PXDNL: variants seen among roughly 807,000 people sequenced by gnomAD.
The protein encoded by PXDNL is peroxidasin like.
A neutral mutation model predicts 150.8 loss-of-function variants in PXDNL; 145 were observed. That is an observed-to-expected ratio of 0.96 (90% CI 0.84 to 1.10). PXDNL has a LOEUF of 1.10. Among genes scored for constraint, PXDNL ranks in the 50% least tolerant of loss-of-function variants. The pLI is 0.00. For synonymous variants in PXDNL, 757 were observed against 725.7 expected (o/e 1.04, Z -0.69); for missense variants, 2,087 against 1,873.9 (o/e 1.11, Z -2.10).
chr8:51,388,615 A>G (rs1284668885), intron 17 of PXDNL, among the ~76,000 whole-genome samples: 6 of 152,116 alleles, frequency 3.9e-5, no homozygotes, highest in African/African-American at 1.4e-4. Flanking sequence ...TCTTTCTTCA[A>G]TTTTATAACT....
At chr8:51,372,650 G>A (rs1296786038) in intron 18 of PXDNL, among the ~76,000 whole-genome samples, 1 of 152,230 alleles carries the variant, frequency 6.6e-6, no homozygotes, top group Non-Finnish European at 1.5e-5. Context: ...CTCCCAAACT[G>A]TTGGGATTAC....
At chr8:51,743,943 A>AAGGAAG (rs1563306945) in intron 1 of PXDNL, among the ~76,000 whole-genome samples, 7 of 8,068 alleles carry the variant, frequency 8.7e-4, no homozygotes, top group East Asian at 6.7e-3. Flanking sequence ...AAGGAAGGAG[A>AAGGAAG]GAAAGAGAGA....
At position 51,586,194 on chromosome 8, in the gene PXDNL, A is replaced by C. The variant is rs1023969069; in HGVS notation, c.308+6433T>G. 5.4e-4 allele frequency among the ~76,000 whole-genome samples: 83 copies of C among 152,294 alleles called. 1 individual carries two copies. Among genetic ancestry groups the C allele is most frequent in the African/African-American group, 2.0e-3 (82 of 41,568 alleles). ...ATGACAGAAGCAAGGCGTGGAAAGC[A>C]CTCATCCCTGACTATGCTAGGGATA... On this transcript the variant is annotated intron_variant, in intron 3 of 22. Transcript: ENST00000356297.
Position 51,471,679 on chromosome 8 carries a change from A to ATTTT in PXDNL, c.812+504_812+507dup, listed in dbSNP as rs530501838. Reference sequence around the variant, plus strand: ...AATCACTGAGGTCTGGAAATGCATAATTTTTTTTTTTGGTTTTTTTTTTTT... The same window carrying ATTTT: ...AATCACTGAGGTCTGGAAATGCATAATTTTTTTTTTTTTTTGGTTTTTTTTTTTT... On this transcript the variant is annotated intron_variant, in intron 8 of 22. Transcript: ENST00000356297. Among the ~76,000 whole-genome samples, 452 of 146,392 alleles carry ATTTT rather than the reference A, an allele frequency of 3.1e-3. 3 individuals are homozygous for ATTTT. Among genetic ancestry groups the ATTTT allele is most frequent in the African/African-American group, 0.01 (412 of 40,108 alleles).
At chr8:51,792,647 T>G (rs779625945) in intron 1 of PXDNL, among the ~76,000 whole-genome samples, 1 of 152,112 alleles carries the variant, frequency 6.6e-6, no homozygotes, top group African/African-American at 2.4e-5. Flanking sequence ...CCCCTGCTGG[T>G]GCTGGGGAGA....
chr8:51,449,110 G>A lies in PXDNL; in HGVS notation c.1258C>T (p.Gln420Ter). The A allele has an allele frequency of 6.5e-7, 1 of 1,533,894 alleles. No individual in the cohort carries two copies. Among genetic ancestry groups the A allele is most frequent in the Non-Finnish European group, 8.8e-7 (1 of 1,132,352 alleles). The stretch of plus-strand genomic sequence containing the variant: ...TGATCCTTGGGGGTTACTGTAAATT[G>A]TGGAGGAGCTAAAGAGAATGAAACA... Reference protein sequence around the residue: ...AANIIVQAPPQFTVTPKDQVV... With the variant: ...AANIIVQAPP The change falls in exon 11 of 23, where the codon CAA becomes TAA. Residue 420 changes from glutamine (Q) to a stop codon, truncating the protein, a stop_gained. Coordinates refer to ENST00000356297, the MANE Select transcript of PXDNL (RefSeq NM_144651.5). LOFTEE classifies it high-confidence loss of function.
At chr8:51,584,642 A>G (rs565626552) in intron 3 of PXDNL, among the ~76,000 whole-genome samples, 1 of 152,336 alleles carries the variant, frequency 6.6e-6, no homozygotes, top group African/African-American at 2.4e-5. Context: ...CCAAGAGAGT[A>G]TGTGAAGGTG....
chr8:51,666,409 C>T lies in PXDNL; in HGVS notation c.165-11649G>A, dbSNP rs1391828370. The stretch of plus-strand genomic sequence containing the variant: ...TAAGTAAGTAAGCAGAAAGTATATG[C>T]ATGAGGAAGCATAAGTGTGTGTCTA... On this transcript the variant is annotated intron_variant, in intron 1 of 22. Coordinates refer to ENST00000356297, the MANE Select transcript of PXDNL (RefSeq NM_144651.5). Among the ~76,000 whole-genome samples the T allele has an allele frequency of 2.6e-5, 4 of 152,092 alleles. No homozygotes were observed. In the East Asian group the frequency reaches 7.7e-4, roughly 29 times the overall value.
chr8:51,398,293 G>A (rs1161497641), intron 17 of PXDNL, among the ~76,000 whole-genome samples: 1 of 152,222 alleles, frequency 6.6e-6, no homozygotes, highest in African/African-American at 2.4e-5. Context: ...CCCAGTTCCG[G>A]AAAGCTGAAG....
At chr8:51,629,978 A>C (rs1209955398) in intron 2 of PXDNL, among the ~76,000 whole-genome samples, 1 of 152,190 alleles carries the variant, frequency 6.6e-6, no homozygotes, top group African/African-American at 2.4e-5. Context: ...CCATATAGCC[A>C]AGGCAATCCG....
intron 3 of PXDNL, among the ~76,000 whole-genome samples, chr8:51,574,974 T>C (rs1001103594): frequency 4.6e-5 from 7 of 152,034 alleles, no homozygotes; most frequent in Non-Finnish European, 8.8e-5. Flanking sequence ...GAAGAAAGAA[T>C]AATAGAGTAA....
intron 1 of PXDNL, among the ~76,000 whole-genome samples, chr8:51,723,114 A>G (rs1388795120): frequency 6.6e-6 from 1 of 152,154 alleles, no homozygotes; most frequent in Non-Finnish European, 1.5e-5. Flanking sequence ...AAAAGACACA[A>G]GATAGAGCTA....
At chr8:51,590,560 G>A (rs1813422523) in intron 3 of PXDNL, among the ~76,000 whole-genome samples, 3 of 152,236 alleles carry the variant, frequency 2.0e-5, no homozygotes, top group African/African-American at 7.2e-5. Context: ...GGCAAATGGA[G>A]TAAATGATTA....
In PXDNL at chr8:51,556,870, G is replaced by T; in HGVS notation, c.350C>A (p.Thr117Lys). ...TTCCAAAGATATGAGTCCTTTAAAT[G>T]TTTGCTTATCTAGTGCATGGATTTC... ...KNEIHALDKQTFKGLISLEHL... is the reference protein window; with the variant it reads ...KNEIHALDKQKFKGLISLEHL... The change falls in exon 4 of 23, where the codon ACA (threonine) becomes AAA (lysine). Residue 117 changes from threonine (T) to lysine (K), a missense_variant. Transcript: ENST00000356297. The T allele has an allele frequency of 1.3e-6, 2 of 1,582,972 alleles. No homozygotes were observed. Among genetic ancestry groups the T allele is most frequent in the Non-Finnish European group, 8.7e-7 (1 of 1,152,660 alleles).
Position 51,447,068 on chromosome 8 carries a change from T to C in PXDNL, c.1461A>G (p.Glu487=). The change falls in exon 12 of 23, where the codon GAA becomes GAG. Residue 487 remains glutamate, a synonymous_variant. Transcript: ENST00000356297. ...CCCCCAACGAACTGACTGCTTGACA[T>C]TCATATTGGCCTTGATCGTGCTGTG... is the stretch of plus-strand genomic sequence containing the variant. ...RAAQHDQGQY[E]CQAVSSLGVK... The C allele has an allele frequency of 1.2e-6, 2 of 1,614,000 alleles. No homozygotes were observed. Among genetic ancestry groups the C allele is most frequent in the South Asian group, 2.2e-5 (2 of 91,072 alleles).
intron 4 of PXDNL, among the ~76,000 whole-genome samples, chr8:51,509,741 TACACACACACAC>T (rs61492447): frequency 0.21 from 30,705 of 143,264 alleles, 3,623 homozygotes; most frequent in African/African-American, 0.31. Flanking sequence ...TATACATATA[TACACACACACAC>T]ACACACACAC....
chr8:51,680,737 C>G (rs559440480), intron 1 of PXDNL, among the ~76,000 whole-genome samples: 152 of 152,304 alleles, frequency 1.0e-3, no homozygotes, highest in African/African-American at 3.4e-3. Context: ...CTACTGCTCG[C>G]TCGCTGTGTG....
intron 3 of PXDNL, among the ~76,000 whole-genome samples, chr8:51,574,040 G>A (rs924823036): frequency 6.6e-5 from 10 of 152,034 alleles, no homozygotes; most frequent in Admixed American, 2.6e-4. Flanking sequence ...CCCAGCCTGC[G>A]GGACTTTCTT....
At chr8:51,783,045 A>T (rs1475203453) in intron 1 of PXDNL, among the ~76,000 whole-genome samples, 1 of 152,216 alleles carries the variant, frequency 6.6e-6, no homozygotes, top group South Asian at 2.1e-4. Context: ...AATTGTATAA[A>T]ATTTGAGTTA....
Sources: allele counts gnomAD v4.1 joint callset (sites outside exome capture counted in the v4.1 genomes callset), GRCh38; gene constraint gnomAD v4.1.1; transcripts MANE v1.5; gene names NCBI Gene and HGNC (gene_info 2026-07-23, HGNC 2026-07-21).